The following TMEM132D variants were observed in gnomAD, a reference collection of about 807,000 sequenced individuals.
TMEM132D encodes mature OL transmembrane protein.
TMEM132D carries 21 observed loss-of-function variants against 62.3 expected under a neutral mutation model. The observed-to-expected ratio is 0.34, with a 90% CI of 0.24 to 0.49. The LOEUF is 0.49. TMEM132D is among the 20% of genes least tolerant of loss of function. The pLI is 0.99. For missense variants in TMEM132D, 1,346 were observed against 1,402.8 expected (o/e 0.96, Z 0.65); for synonymous variants, 621 against 575.6 (o/e 1.08, Z -1.13).
rs565814666 is a variant in TMEM132D at position 129,199,258 on chromosome 12, C to A, written c.1443+10262G>T. 5.3e-5 allele frequency among the ~76,000 whole-genome samples: 8 copies of A among 152,136 alleles called. No individual in the cohort carries two copies. In the South Asian group the frequency reaches 1.7e-3, roughly 32 times the overall value. ...CTTAATAGCTAGGATAACAGGCATG[C>A]ACCCAGCTAATTTTTGTATTTTTGG... On this transcript the variant is annotated intron_variant, in intron 5 of 8. Coordinates refer to ENST00000422113, the MANE Select transcript of TMEM132D (RefSeq NM_133448.3).
chr12:129,423,191 C>A (rs1248290809), intron 3 of TMEM132D, among the ~76,000 whole-genome samples: 3 of 152,034 alleles, frequency 2.0e-5, no homozygotes, highest in Non-Finnish European at 4.4e-5. Context: ...CATATACAAA[C>A]CCTCATTTAG....
intron 5 of TMEM132D, among the ~76,000 whole-genome samples, chr12:129,130,336 C>A (rs978748344): frequency 9.6e-3 from 2 of 208 alleles, no homozygotes; most frequent in African/African-American, 0.014. Flanking sequence ...TCTGAAGAGA[C>A]CCCCCCGCCC....
intron 5 of TMEM132D, among the ~76,000 whole-genome samples, chr12:129,125,930 A>C (rs7308235): frequency 0.99 from 150,601 of 152,278 alleles, 74,487 homozygotes; most frequent in Middle Eastern, 1. Context: ...GAAACAGAGT[A>C]AACAGGGTGT....
At chr12:129,298,572 T>C (rs920604393) in intron 4 of TMEM132D, among the ~76,000 whole-genome samples, 1 of 152,138 alleles carries the variant, frequency 6.6e-6, no homozygotes, top group Admixed American at 6.5e-5. Context: ...TCCTATCTGA[T>C]TGTCACTGTG....
intron 4 of TMEM132D, among the ~76,000 whole-genome samples, chr12:129,257,425 G>T (rs1880436401): frequency 6.6e-6 from 1 of 151,834 alleles, no homozygotes; most frequent in South Asian, 2.1e-4. Context: ...TAGCCAGGAT[G>T]GTCTCAATCT....
At chr12:129,225,147 C>T (rs550065727) in intron 4 of TMEM132D, among the ~76,000 whole-genome samples, 3 of 152,246 alleles carry the variant, frequency 2.0e-5, no homozygotes, top group East Asian at 3.9e-4. Context: ...TCTGCGAAAT[C>T]GGGACTGGAA....
intron 4 of TMEM132D, among the ~76,000 whole-genome samples, chr12:129,301,459 T>C (rs1435988206): frequency 6.6e-6 from 1 of 151,548 alleles, no homozygotes; most frequent in African/African-American, 2.4e-5. Context: ...AAAAAGAGGC[T>C]CACCTAGGAA....
intron 4 of TMEM132D, among the ~76,000 whole-genome samples, chr12:129,249,661 A>G (rs535538016): frequency 6.6e-6 from 1 of 152,326 alleles, no homozygotes; most frequent in African/African-American, 2.4e-5. Flanking sequence ...AGGGAGATTT[A>G]TCCATTTCCA....
At chr12:129,360,540 A>G (rs984601584) in intron 3 of TMEM132D, among the ~76,000 whole-genome samples, 6 of 152,088 alleles carry the variant, frequency 3.9e-5, no homozygotes, top group Non-Finnish European at 7.4e-5. Flanking sequence ...TCTTTTCACA[A>G]TGGGATAGTG....
At chr12:129,592,673 G>A (rs1878227037) in intron 2 of TMEM132D, among the ~76,000 whole-genome samples, 1 of 152,312 alleles carries the variant, frequency 6.6e-6, no homozygotes, top group African/African-American at 2.4e-5. Context: ...AGCTCTACAT[G>A]TTATGATATG....
At chr12:129,686,510 C>G (rs1430959858) in intron 2 of TMEM132D, among the ~76,000 whole-genome samples, 2 of 152,190 alleles carry the variant, frequency 1.3e-5, no homozygotes, top group African/African-American at 4.8e-5. Flanking sequence ...TCAATTAAAC[C>G]TCTTTCCTTT....
intron 3 of TMEM132D, among the ~76,000 whole-genome samples, chr12:129,346,926 G>C (rs1254711292): frequency 6.6e-6 from 1 of 152,044 alleles, no homozygotes; most frequent in Non-Finnish European, 1.5e-5. Flanking sequence ...GACATGGAGA[G>C]AACCAAGTCA....
At chr12:129,839,275 G>A (rs1873107869) in intron 1 of TMEM132D, among the ~76,000 whole-genome samples, 1 of 151,348 alleles carries the variant, frequency 6.6e-6, no homozygotes, top group Non-Finnish European at 1.5e-5. Flanking sequence ...GATTACAGGT[G>A]TGTGCCACCA....
At chr12:129,520,374 C>T (rs754012703) in intron 3 of TMEM132D, among the ~76,000 whole-genome samples, 4 of 152,294 alleles carry the variant, frequency 2.6e-5, no homozygotes, top group South Asian at 2.1e-4. Context: ...GAAAAAGCCC[C>T]AGAACTGGCT....
intron 2 of TMEM132D, among the ~76,000 whole-genome samples, chr12:129,582,870 C>T (rs1877913885): frequency 6.6e-6 from 1 of 152,110 alleles, no homozygotes; most frequent in Admixed American, 6.5e-5. Flanking sequence ...GGTGATCCAC[C>T]CACCTCGGCC....
chr12:129,083,789 A>G (rs1052132885), intron 6 of TMEM132D, among the ~76,000 whole-genome samples: 1 of 152,230 alleles, frequency 6.6e-6, no homozygotes, highest in African/African-American at 2.4e-5. Context: ...TTTCTCTGAG[A>G]TGACAAAGTC....
intron 3 of TMEM132D, among the ~76,000 whole-genome samples, chr12:129,417,920 G>A (rs1439128413): frequency 3.3e-5 from 5 of 152,160 alleles, no homozygotes; most frequent in African/African-American, 7.2e-5. Flanking sequence ...AAAAGAAGAC[G>A]TTTATGTGGC....
intron 2 of TMEM132D, among the ~76,000 whole-genome samples, chr12:129,566,866 G>A (rs1877381108): frequency 6.6e-6 from 1 of 152,164 alleles, no homozygotes; most frequent in South Asian, 2.1e-4. Flanking sequence ...TGTCTATGGA[G>A]TCCAGGTCTT....
intron 3 of TMEM132D, among the ~76,000 whole-genome samples, chr12:129,460,068 C>T (rs1873609801): frequency 6.6e-6 from 1 of 152,176 alleles, no homozygotes. Context: ...CAATGACTCA[C>T]TTTTGGCAGC....
Sources: gnomAD v4.1 joint callset for allele counts (sites outside exome capture counted in the v4.1 genomes callset) on GRCh38, gnomAD v4.1.1 for gene constraint, MANE v1.5 for transcripts, NCBI Gene and HGNC (gene_info 2026-07-23, HGNC 2026-07-21) for gene names.